The following CAMSAP2 variants were observed in gnomAD, a reference collection of about 807,000 sequenced individuals.
The protein encoded by CAMSAP2 is calmodulin-regulated spectrin-associated protein 2.
In CAMSAP2, 26 loss-of-function variants were observed where a neutral mutation model predicts 146.1. The observed-to-expected ratio is 0.18, with a 90% CI of 0.13 to 0.25. CAMSAP2 has a LOEUF of 0.25. Among genes scored for constraint, CAMSAP2 ranks in the 10% least tolerant of loss-of-function variants. The pLI is 1.00. For synonymous variants in CAMSAP2, 499 were observed against 596.6 expected (o/e 0.84, Z 2.38); for missense variants, 1,381 against 1,759.3 (o/e 0.78, Z 3.85).
intron 2 of CAMSAP2, among the ~76,000 whole-genome samples, chr1:200,797,734 G>A (rs1412153073): frequency 1.9e-5 from 2 of 106,000 alleles, no homozygotes; most frequent in Non-Finnish European, 3.8e-5. Context: ...TTTTAGACAT[G>A]AAGTCCTTGC....
intron 1 of CAMSAP2, among the ~76,000 whole-genome samples, chr1:200,740,625 G>A (rs1664135131): frequency 6.6e-6 from 1 of 151,988 alleles, no homozygotes; most frequent in Non-Finnish European, 1.5e-5. Flanking sequence ...AATGTATTTT[G>A]GCTTCATAAA....
At chr1:200,806,996 A>G (rs1666195242) in intron 2 of CAMSAP2, among the ~76,000 whole-genome samples, 1 of 152,226 alleles carries the variant, frequency 6.6e-6, no homozygotes, top group South Asian at 2.1e-4. Context: ...GATTTGAAAG[A>G]TAGAGAATCT....
Position 200,858,114 on chromosome 1 carries a change from C to G in CAMSAP2, c.*55C>G. ...CATGGTAAATTTGCACTTCATCTTT[C>G]CTGCCTATAGAAAATCTTTCTAATT... On this transcript the variant is annotated 3_prime_UTR_variant, in exon 17 of 17. Coordinates refer to ENST00000358823, the MANE Select transcript of CAMSAP2 (RefSeq NM_203459.4). 1 of 1,418,262 alleles carries G rather than the reference C, an allele frequency of 7.1e-7. No individual in the cohort carries two copies. The highest frequency in any genetic ancestry group is 9.5e-7 in the Non-Finnish European group (1 of 1,051,844). The allele number at this position is 1,418,262 out of a possible 1,614,324, so 87.9% of individuals were successfully genotyped here.
chr1:200,766,577 A>G (rs1462396996), intron 2 of CAMSAP2, among the ~76,000 whole-genome samples: 1 of 152,194 alleles, frequency 6.6e-6, no homozygotes, highest in Admixed American at 6.5e-5. Flanking sequence ...TTGAGAATAT[A>G]AGGTCACAGA....
At chr1:200,749,915 T>G (rs1664451456) in intron 1 of CAMSAP2, among the ~76,000 whole-genome samples, 1 of 151,156 alleles carries the variant, frequency 6.6e-6, no homozygotes. Context: ...GGCTCCGGAG[T>G]GGAAGAGAGC....
Position 200,854,910 on chromosome 1 carries a change from T to C in CAMSAP2, c.3896+21T>C, listed in dbSNP as rs760067609. The C allele has an allele frequency of 5.8e-6, 9 of 1,560,044 alleles. No homozygotes were observed. In the East Asian group the frequency reaches 1.6e-4, roughly 27 times the overall value. On this transcript the variant is annotated intron_variant, in intron 14 of 16. Transcript: ENST00000358823. ...CCAAGGTAAATCTATAACGTATGAA[T>C]ATTTTTACAGAAAAGAATATAGTAC...
chr1:200,820,061 A>T (rs531370654), intron 4 of CAMSAP2, among the ~76,000 whole-genome samples: 3 of 150,920 alleles, frequency 2.0e-5, no homozygotes, highest in African/African-American at 7.4e-5. Flanking sequence ...TTTCTCAAAA[A>T]ATTTTTTTTT....
intron 4 of CAMSAP2, among the ~76,000 whole-genome samples, chr1:200,817,241 TACACAC>T (rs1228849157): frequency 5.6e-4 from 6 of 10,622 alleles, no homozygotes; most frequent in African/African-American, 2.4e-3. Context: ...TATACACACA[TACACAC>T]ATATGTGTGT....
At chr1:200,764,817 G>A (rs1186987374) in intron 2 of CAMSAP2, among the ~76,000 whole-genome samples, 1 of 152,114 alleles carries the variant, frequency 6.6e-6, no homozygotes, top group African/African-American at 2.4e-5. Context: ...AAAAAGAAAA[G>A]ATGTGGCTGG....
At chr1:200,814,125 A>AAGGGGGGGGGGGGGGGGGGGGGGGGGG (rs1558188973) in intron 3 of CAMSAP2, among the ~76,000 whole-genome samples, 2 of 3,964 alleles carry the variant, frequency 5.0e-4, no homozygotes, top group Admixed American at 3.1e-3. Flanking sequence ...AAAAAAAAAA[A>AAGGGGGGGGGGGGGGGGGGGGGGGGGG]GGTGGCGGGG....
At chr1:200,775,568 T>G (rs1461727956) in intron 2 of CAMSAP2, among the ~76,000 whole-genome samples, 1 of 152,196 alleles carries the variant, frequency 6.6e-6, no homozygotes, top group Non-Finnish European at 1.5e-5. Flanking sequence ...CTCACTCTGT[T>G]GCCCAGGCTG....
At chr1:200,760,016 T>TG (rs1664758463) in intron 1 of CAMSAP2, among the ~76,000 whole-genome samples, 2 of 151,848 alleles carry the variant, frequency 1.3e-5, no homozygotes, top group Admixed American at 1.3e-4. Context: ...ATTGGGAGAG[T>TG]GGGAGTGGAC....
chr1:200,854,841 T>G lies in CAMSAP2; in HGVS notation c.3848T>G (p.Leu1283Arg). 6.2e-7 allele frequency: 1 copy of G among 1,611,732 alleles called. No individual in the cohort carries two copies. The highest frequency in any genetic ancestry group is 8.5e-7 in the Non-Finnish European group (1 of 1,178,944). The part of the protein sequence containing the change: ...PPVSSLSLAS[L>R]NTGDNESVHS... ...GTCTCTAGCCTTTCTTTGGCATCGC[T>G]GAACACGGGTGATAACGAGAGTGTA... Residue 1283 changes from leucine (L) to arginine (R), a missense_variant, in exon 14 of 17, where the codon CTG becomes CGG. Leu to Arg is a moderately radical substitution (Grantham distance 102, BLOSUM62 -2). Coordinates refer to ENST00000358823, the MANE Select transcript of CAMSAP2 (RefSeq NM_203459.4).
At chr1:200,778,667 A>T (rs1353420616) in intron 2 of CAMSAP2, among the ~76,000 whole-genome samples, 1 of 152,118 alleles carries the variant, frequency 6.6e-6, no homozygotes, top group Admixed American at 6.6e-5. Flanking sequence ...AGTTTTTTTC[A>T]TGAAGTGAAG....
chr1:200,840,320 T>C (rs966858247), intron 6 of CAMSAP2, among the ~76,000 whole-genome samples: 3 of 152,202 alleles, frequency 2.0e-5, no homozygotes, highest in African/African-American at 7.2e-5. Flanking sequence ...GGTCTCACTC[T>C]GTCACCCAGG....
At chr1:200,854,741 A>T in intron 13 of CAMSAP2, 76 bp from the exon 14 acceptor site, 2 of 1,027,608 alleles carry the variant, frequency 1.9e-6, no homozygotes, top group Non-Finnish European at 2.9e-6. Context: ...TAATGAACAG[A>T]CTCTTTGCTA....
At chr1:200,740,022 G>T in intron 1 of CAMSAP2, 56 bp downstream of exon 1, 7 of 1,587,814 alleles carry the variant, frequency 4.4e-6, no homozygotes, top group Non-Finnish European at 6.0e-6. Context: ...CCACATCTCG[G>T]TTTTTGTTCC....
intron 7 of CAMSAP2, among the ~76,000 whole-genome samples, chr1:200,842,455 C>T (rs760032657): frequency 7.9e-5 from 12 of 152,120 alleles, no homozygotes; most frequent in Non-Finnish European, 1.5e-4. Context: ...TCGAATTTGC[C>T]ATTAAACTAT....
chr1:200,741,148 C>G (rs1198809295), intron 1 of CAMSAP2, among the ~76,000 whole-genome samples: 1 of 152,238 alleles, frequency 6.6e-6, no homozygotes, highest in South Asian at 2.1e-4. Context: ...AGATTAATCT[C>G]AGTGTTTGGA....
Sources: gnomAD v4.1 joint callset for allele counts (sites outside exome capture counted in the v4.1 genomes callset) on GRCh38, gnomAD v4.1.1 for gene constraint, MANE v1.5 for transcripts, NCBI Gene and HGNC (gene_info 2026-07-23, HGNC 2026-07-21) for gene names.